MAPKAP1: variants seen among roughly 807,000 people sequenced by gnomAD.
MAPKAP1 encodes the protein MAPK associated protein 1.
MAPKAP1 carries 20 observed loss-of-function variants against 65.7 expected under a neutral mutation model. The observed-to-expected ratio is 0.30, with a 90% CI of 0.21 to 0.44. The LOEUF is 0.44. Among genes scored for constraint, MAPKAP1 ranks in the 20% least tolerant of loss-of-function variants. The pLI, the probability that MAPKAP1 is intolerant of heterozygous loss-of-function variation, is 1.00. For synonymous variants in MAPKAP1, 222 were observed against 244.3 expected (o/e 0.91, Z 0.85); for missense variants, 423 against 648.0 (o/e 0.65, Z 3.77).
chr9:125,496,974 A>G (rs1854973648), intron 8 of MAPKAP1, among the ~76,000 whole-genome samples: 1 of 152,132 alleles, frequency 6.6e-6, no homozygotes, highest in African/African-American at 2.4e-5. Context: ...GGGTGGTCAC[A>G]GTCTAGTGTG....
intron 3 of MAPKAP1, 105 bp from the exon 4 acceptor site, chr9:125,657,904 G>A: frequency 9.1e-7 from 1 of 1,096,502 alleles, no homozygotes; most frequent in Non-Finnish European, 1.3e-6. Context: ...AGCATCCAGA[G>A]ACATGTTCAG....
chr9:125,580,336 C>A (rs978065330), intron 5 of MAPKAP1, among the ~76,000 whole-genome samples: 1 of 152,136 alleles, frequency 6.6e-6, no homozygotes, highest in African/African-American at 2.4e-5. Flanking sequence ...CACATATACA[C>A]CATGGAATAC....
chr9:125,480,338 G>A (rs1040146941), intron 9 of MAPKAP1, among the ~76,000 whole-genome samples: 4 of 152,192 alleles, frequency 2.6e-5, no homozygotes, highest in Non-Finnish European at 1.5e-5. Context: ...AGAAACAAAT[G>A]TTCTGACATC....
chr9:125,655,139 C>T (rs1230503654), intron 4 of MAPKAP1, among the ~76,000 whole-genome samples: 1 of 151,988 alleles, frequency 6.6e-6, no homozygotes, highest in Non-Finnish European at 1.5e-5. Flanking sequence ...TATCAAAATA[C>T]ATAGAAAACC....
intron 6 of MAPKAP1, among the ~76,000 whole-genome samples, chr9:125,551,688 C>T (rs541084383): frequency 6.6e-6 from 1 of 151,978 alleles, no homozygotes; most frequent in African/African-American, 2.4e-5. Flanking sequence ...TCCCCCACTC[C>T]AGAGTAGAAT....
chr9:125,473,546 C>T (rs774984041), intron 9 of MAPKAP1, among the ~76,000 whole-genome samples: 1 of 152,156 alleles, frequency 6.6e-6, no homozygotes, highest in African/African-American at 2.4e-5. Flanking sequence ...TAAACAAAAA[C>T]GCAACTCTAA....
chr9:125,677,023 T>C (rs758780485), intron 1 of MAPKAP1, among the ~76,000 whole-genome samples: 2 of 152,224 alleles, frequency 1.3e-5, no homozygotes, highest in Non-Finnish European at 2.9e-5. Flanking sequence ...AACATATCAA[T>C]GTATAACAGC....
At chr9:125,611,617 T>C (rs1295012360) in intron 4 of MAPKAP1, among the ~76,000 whole-genome samples, 1 of 152,172 alleles carries the variant, frequency 6.6e-6, no homozygotes, top group Non-Finnish European at 1.5e-5. Context: ...AAAGAAGATC[T>C]GTATCTTAAA....
At chr9:125,554,288 C>G (rs553045284) in intron 6 of MAPKAP1, among the ~76,000 whole-genome samples, 38 of 152,242 alleles carry the variant, frequency 2.5e-4, no homozygotes, top group Admixed American at 2.0e-3. Context: ...ACACTATACA[C>G]AAGTATCAGT....
At chr9:125,650,243 C>G (rs961781662) in intron 4 of MAPKAP1, 1 of 152,216 alleles carries the variant, frequency 6.6e-6, no homozygotes, top group Non-Finnish European at 1.5e-5. Context: ...GGGATATACT[C>G]GGCAGCACAG....
chr9:125,450,290 T>C (rs1451177066), intron 10 of MAPKAP1, among the ~76,000 whole-genome samples: 5 of 152,138 alleles, frequency 3.3e-5, no homozygotes, highest in Admixed American at 2.6e-4. Flanking sequence ...CTTTTCCTTA[T>C]TAAAAATACT....
chr9:125,692,104 G>A (rs1022479779), intron 1 of MAPKAP1, among the ~76,000 whole-genome samples: 2 of 152,132 alleles, frequency 1.3e-5, no homozygotes, highest in African/African-American at 4.8e-5. Flanking sequence ...AAACAGCCTG[G>A]CAGTTTCTCA....
intron 1 of MAPKAP1, among the ~76,000 whole-genome samples, chr9:125,675,590 T>C (rs1459163834): frequency 2.6e-5 from 4 of 152,216 alleles, no homozygotes; most frequent in Non-Finnish European, 5.9e-5. Context: ...AGCTCTGATA[T>C]GGAACTCCCA....
chr9:125,507,439 C>A (rs1037362732), intron 7 of MAPKAP1, among the ~76,000 whole-genome samples: 1 of 152,152 alleles, frequency 6.6e-6, no homozygotes, highest in African/African-American at 2.4e-5. Flanking sequence ...GGCTCCCAGG[C>A]GGAACACGTA....
At chr9:125,699,240 CCT>C (rs1356394520) in intron 1 of MAPKAP1, among the ~76,000 whole-genome samples, 2 of 152,024 alleles carry the variant, frequency 1.3e-5, no homozygotes, top group Admixed American at 1.3e-4. Context: ...GCAGGGTCTC[CCT>C]CTGTCATCCA....
At chr9:125,459,843 AGGGAGACC>A (rs1853403353) in intron 10 of MAPKAP1, among the ~76,000 whole-genome samples, 3 of 146,062 alleles carry the variant, frequency 2.1e-5, no homozygotes, top group African/African-American at 7.9e-5. Context: ...AGAGAGGGAG[AGGGAGACC>A]GTGGGGAGAG....
chr9:125,679,764 C>CCATT (rs1211926872), intron 1 of MAPKAP1, among the ~76,000 whole-genome samples: 2 of 152,180 alleles, frequency 1.3e-5, no homozygotes, highest in Non-Finnish European at 2.9e-5. Context: ...ACTTACAATG[C>CCATT]TCACGTCTAT....
chr9:125,668,974 A>G (rs1487951304), intron 3 of MAPKAP1, among the ~76,000 whole-genome samples: 5 of 152,262 alleles, frequency 3.3e-5, no homozygotes, highest in African/African-American at 1.2e-4. Context: ...ACTTGAGGCC[A>G]GGAGTTCGAG....
At chr9:125,495,519 A>G (rs973959840) in intron 8 of MAPKAP1, among the ~76,000 whole-genome samples, 1 of 152,224 alleles carries the variant, frequency 6.6e-6, no homozygotes, top group Non-Finnish European at 1.5e-5. Flanking sequence ...AGAGTCCCCA[A>G]TTACATTTTC....
Sources: allele counts gnomAD v4.1 joint callset (sites outside exome capture counted in the v4.1 genomes callset), GRCh38; gene constraint gnomAD v4.1.1; transcripts MANE v1.5; gene names NCBI Gene and HGNC (gene_info 2026-07-23, HGNC 2026-07-21).